DNER: variants seen among roughly 807,000 people sequenced by gnomAD.
DNER encodes the protein delta/notch like EGF repeat containing, also known as delta and Notch-like epidermal growth factor-related receptor.
DNER carries 33 observed loss-of-function variants against 78.2 expected under a neutral mutation model. The ratio of observed to expected loss-of-function variants is 0.42; its 90% confidence interval spans 0.32 to 0.56. The LOEUF (loss-of-function observed/expected upper bound fraction) is 0.56. Among genes scored for constraint, DNER ranks in the 20% least tolerant of loss-of-function variants. DNER has a pLI of 0.11. For missense variants in DNER, 918 were observed against 975.3 expected (o/e 0.94, Z 0.78); for synonymous variants, 417 against 384.8 (o/e 1.08, Z -0.98).
intron 4 of DNER, among the ~76,000 whole-genome samples, chr2:229,554,411 G>A (rs1338748434): frequency 6.6e-6 from 1 of 152,090 alleles, no homozygotes; most frequent in African/African-American, 2.4e-5. Context: ...TTTTACAATG[G>A]CCAGGCATGA....
intron 6 of DNER, among the ~76,000 whole-genome samples, chr2:229,489,422 G>A (rs1029217597): frequency 6.6e-6 from 1 of 152,216 alleles, no homozygotes; most frequent in South Asian, 2.1e-4. Flanking sequence ...AGGGATGCAT[G>A]AGAAAGCCAG....
chr2:229,604,537 G>A (rs566936600), intron 1 of DNER, among the ~76,000 whole-genome samples: 1 of 152,232 alleles, frequency 6.6e-6, no homozygotes, highest in East Asian at 1.9e-4. Flanking sequence ...AAAAATCAGG[G>A]TCACCTTGTT....
At chr2:229,608,767 C>T (rs1383269370) in intron 1 of DNER, among the ~76,000 whole-genome samples, 2 of 151,942 alleles carry the variant, frequency 1.3e-5, no homozygotes, top group South Asian at 2.1e-4. Flanking sequence ...GTGAGGGTGG[C>T]GGGCTTTAAC....
chr2:229,687,588 G>A (rs981310230), intron 1 of DNER, among the ~76,000 whole-genome samples: 7 of 151,914 alleles, frequency 4.6e-5, no homozygotes, highest in Non-Finnish European at 1.0e-4. Flanking sequence ...TTCTTTCTAA[G>A]GACAAGCTCC....
intron 1 of DNER, among the ~76,000 whole-genome samples, chr2:229,633,633 T>TCAGG (rs1258385917): frequency 6.6e-6 from 1 of 152,220 alleles, no homozygotes; most frequent in African/African-American, 2.4e-5. Flanking sequence ...TGAAATCTAG[T>TCAGG]CAGGCAGGCT....
At chr2:229,568,061 C>A (rs576588603) in intron 4 of DNER, among the ~76,000 whole-genome samples, 2 of 151,582 alleles carry the variant, frequency 1.3e-5, no homozygotes, top group Admixed American at 1.3e-4. Context: ...TGTCTGAAAA[C>A]AAAACTAAAC....
At chr2:229,448,185 TA>T (rs957868966) in intron 7 of DNER, among the ~76,000 whole-genome samples, 110 of 142,530 alleles carry the variant, frequency 7.7e-4, no homozygotes, top group East Asian at 7.7e-3. Context: ...CACTCAGCAA[TA>T]AAAAAAAAAA....
chr2:229,403,859 G>A (rs886954074), intron 10 of DNER, among the ~76,000 whole-genome samples: 4 of 152,058 alleles, frequency 2.6e-5, no homozygotes, highest in Non-Finnish European at 5.9e-5. Flanking sequence ...CAAGCAGAGG[G>A]GCCCAGGACA....
At chr2:229,468,073 C>T (rs777632226) in intron 7 of DNER, among the ~76,000 whole-genome samples, 1 of 152,218 alleles carries the variant, frequency 6.6e-6, no homozygotes, top group Non-Finnish European at 1.5e-5. Context: ...ACCGCCTTTG[C>T]AGAATGATAA....
At chr2:229,680,445 A>C (rs1404152805) in intron 1 of DNER, among the ~76,000 whole-genome samples, 1 of 152,214 alleles carries the variant, frequency 6.6e-6, no homozygotes, top group Non-Finnish European at 1.5e-5. Flanking sequence ...CCTGGTAATT[A>C]ATAATAACCA....
chr2:229,500,983 C>T (rs1009814027), intron 6 of DNER, among the ~76,000 whole-genome samples: 26 of 152,214 alleles, frequency 1.7e-4, no homozygotes, highest in African/African-American at 6.3e-4. Flanking sequence ...GTGTCATCTA[C>T]AACAACATGA....
chr2:229,552,554 G>C (rs969626486), intron 4 of DNER, among the ~76,000 whole-genome samples: 1 of 152,156 alleles, frequency 6.6e-6, no homozygotes, highest in Admixed American at 6.5e-5. Flanking sequence ...CATGAGATCT[G>C]ATGGTTTTAT....
chr2:229,509,313 T>C (rs1219730811), intron 6 of DNER, among the ~76,000 whole-genome samples: 3 of 152,194 alleles, frequency 2.0e-5, no homozygotes, highest in Non-Finnish European at 4.4e-5. Context: ...TTATTTAACA[T>C]TACTTCCAAA....
intron 11 of DNER, among the ~76,000 whole-genome samples, chr2:229,387,893 T>TGTGTGTGTGTG (rs3222719): frequency 3.6e-3 from 258 of 71,950 alleles, no homozygotes; most frequent in African/African-American, 9.8e-3. Flanking sequence ...GTGTGTGTGT[T>TGTGTGTGTGTG]TTTTAATTTT....
At chr2:229,432,204 A>T (rs1198518851) in intron 8 of DNER, among the ~76,000 whole-genome samples, 1 of 152,190 alleles carries the variant, frequency 6.6e-6, no homozygotes. Flanking sequence ...CCCTCAATTG[A>T]TTATCTAGCA....
rs112587768 is a variant in DNER, at chr2:229,407,120, T to C, written c.1723+112A>G. On this transcript the variant is annotated intron_variant, in intron 10 of 12. Coordinates refer to ENST00000341772, the MANE Select transcript of DNER (RefSeq NM_139072.4). ...AGCCATGCCTCCTTACATTTTGTAA[T>C]GGTGTTTATATTTTGCAATATTTTA... 5.2e-3 allele frequency: 4,610 copies of C among 887,492 alleles called. 141 individuals carry two copies. In the African/African-American group the frequency reaches 0.066, roughly 13 times the overall value. The allele number at this position is 887,492 out of a possible 1,614,324, so 55.0% of individuals were successfully genotyped here.
chr2:229,523,813 C>A (rs1011903265), intron 5 of DNER, among the ~76,000 whole-genome samples: 2 of 152,220 alleles, frequency 1.3e-5, no homozygotes, highest in African/African-American at 4.8e-5. Context: ...ATTCCTTGAA[C>A]AATTGCTGTC....
At chr2:229,489,090 G>A (rs1362819583) in intron 6 of DNER, among the ~76,000 whole-genome samples, 1 of 152,256 alleles carries the variant, frequency 6.6e-6, no homozygotes, top group Non-Finnish European at 1.5e-5. Flanking sequence ...GTGGAAGCAG[G>A]CGCTGCACTT....
At chr2:229,670,152 C>A (rs550601175) in intron 1 of DNER, among the ~76,000 whole-genome samples, 1 of 152,360 alleles carries the variant, frequency 6.6e-6, no homozygotes, top group South Asian at 2.1e-4. Flanking sequence ...ACAGAAAAAA[C>A]TGAGGTCATT....
Sources: allele counts gnomAD v4.1 joint callset (sites outside exome capture counted in the v4.1 genomes callset), GRCh38; gene constraint gnomAD v4.1.1; transcripts MANE v1.5; gene names NCBI Gene and HGNC (gene_info 2026-07-23, HGNC 2026-07-21).